The following ACSF3 variants were observed in gnomAD, a reference collection of about 807,000 sequenced individuals.
ACSF3 encodes the protein acyl-CoA synthetase family member 3.
Under a neutral mutation model 53.2 loss-of-function variants are expected in ACSF3, and 78 were observed. The observed-to-expected ratio is 1.47, with a 90% CI of 1.22 to 1.77. ACSF3 has a LOEUF of 1.77. Among genes scored for constraint, ACSF3 ranks in the 40% most tolerant of loss-of-function variants. The pLI is 0.00. For synonymous variants in ACSF3, 414 were observed against 333.1 expected, an observed-to-expected ratio of 1.24 and a Z score of -2.65; for missense variants, 937 against 771.1, an observed-to-expected ratio of 1.22 and a Z score of -2.55.
chr16:89,153,974 G>A lies in ACSF3; in HGVS notation c.1614-116G>A, dbSNP rs1232986951. ...ACCTGCCTGGCCTCAGGATGGCCGA[G>A]GCGCCTGGCAAGGCTGCAGGGTCCC... On this transcript the variant is annotated intron_variant, in intron 10 of 10. Coordinates refer to ENST00000614302, the MANE Select transcript of ACSF3 (RefSeq NM_001243279.3). 14 of 1,096,478 alleles carry A rather than the reference G, an allele frequency of 1.3e-5. No homozygotes were observed. In the Admixed American group the frequency reaches 2.4e-4, roughly 19 times the overall value. 67.9% of individuals were successfully genotyped at this position (1,096,478 alleles called of 1,614,324 possible). A position where few individuals can be genotyped will look rare whatever the true frequency, so the allele number is the denominator to read the frequency against.
At chr16:89,153,994 G>A in intron 10 of ACSF3, 96 bp from the exon 11 acceptor site, 1 of 1,305,492 alleles carries the variant, frequency 7.7e-7, no homozygotes, top group Non-Finnish European at 1.1e-6. Context: ...AAGGCTGCAG[G>A]GTCCCAGGGG....
rs757032531 is a variant in ACSF3 at position 89,114,537 on chromosome 16, C to T, written c.1126+50C>T. The T allele has an allele frequency of 5.6e-6, 9 of 1,602,886 alleles. No individual in the cohort carries two copies. In the South Asian group the frequency reaches 6.6e-5, roughly 12 times the overall value. Reference sequence around the variant, plus strand: ...TTCCTCTTCCACTGTGCTCTGAGCCCCCCAAGGTGGGCCAGTCTCGAACCA... The same window carrying T: ...TTCCTCTTCCACTGTGCTCTGAGCCTCCCAAGGTGGGCCAGTCTCGAACCA... On this transcript the variant is annotated intron_variant, in intron 6 of 10. Coordinates refer to ENST00000614302, the MANE Select transcript of ACSF3 (RefSeq NM_001243279.3).
intron 6 of ACSF3, among the ~76,000 whole-genome samples, chr16:89,119,431 G>C (rs897634582): frequency 6.6e-6 from 1 of 152,214 alleles, no homozygotes; most frequent in Admixed American, 6.5e-5. Flanking sequence ...AGGGTGTGGC[G>C]GTCGTGGGCT....
intron 7 of ACSF3, among the ~76,000 whole-genome samples, chr16:89,124,083 TGTGC>T (rs1907362758): frequency 2.5e-4 from 1 of 3,928 alleles, no homozygotes; most frequent in African/African-American, 1.1e-3. Context: ...ACATGCCTAG[TGTGC>T]GCATGGGTAT....
chr16:89,097,347 G>A (rs1399262811), intron 1 of ACSF3, among the ~76,000 whole-genome samples: 1 of 152,246 alleles, frequency 6.6e-6, no homozygotes, highest in African/African-American at 2.4e-5. Flanking sequence ...CACAATGACA[G>A]GCACCTTCTA....
chr16:89,107,043 A>C (rs1274062135), intron 4 of ACSF3, among the ~76,000 whole-genome samples: 4 of 152,198 alleles, frequency 2.6e-5, no homozygotes, highest in African/African-American at 9.7e-5. Context: ...TGGACTCAGG[A>C]GGGCTGCCAT....
At chr16:89,152,961 G>A (rs189889620) in intron 10 of ACSF3, 76 of 152,424 alleles carry the variant, frequency 5.0e-4, no homozygotes, top group African/African-American at 1.8e-3. Flanking sequence ...GAAGCCAGTT[G>A]CCCCTGGAGA....
intron 10 of ACSF3, chr16:89,151,164 A>G (rs1323327253): frequency 7.9e-6 from 5 of 632,808 alleles, no homozygotes; most frequent in Non-Finnish European, 5.1e-6. Flanking sequence ...TGAAGTCAGC[A>G]GTTCAGATGA....
At chr16:89,107,144 G>A (rs1198558414) in intron 4 of ACSF3, among the ~76,000 whole-genome samples, 2 of 152,216 alleles carry the variant, frequency 1.3e-5, no homozygotes, top group Non-Finnish European at 1.5e-5. Flanking sequence ...CAAATGTTAT[G>A]GCGCCCTTCA....
At chr16:89,098,448 T>TAA in intron 1 of ACSF3, 143 bp from the exon 2 acceptor site, 1 of 353,738 alleles carries the variant, frequency 2.8e-6, no homozygotes, top group Middle Eastern at 1.0e-3. Context: ...TGTCGGGAGA[T>TAA]AAGGCTCACA....
At chr16:89,140,764 C>G (rs1449217412) in intron 8 of ACSF3, among the ~76,000 whole-genome samples, 1 of 152,024 alleles carries the variant, frequency 6.6e-6, no homozygotes, top group Non-Finnish European at 1.5e-5. Flanking sequence ...ACCACAGCAC[C>G]TCACTCCACC....
chr16:89,098,369 C>T (rs1440045306), intron 1 of ACSF3, among the ~76,000 whole-genome samples: 1 of 152,200 alleles, frequency 6.6e-6, no homozygotes, highest in Non-Finnish European at 1.5e-5. Context: ...AACATGGGCA[C>T]AGATCCCACA....
In ACSF3 at chr16:89,114,418, G is replaced by A. The variant is rs1418622052; in HGVS notation, c.1057G>A (p.Glu353Lys). The change falls in exon 6 of 11, where the codon GAG becomes AAG. Residue 353 changes from glutamate (E) to lysine (K), a missense_variant. Transcript: ENST00000614302. ...WKNITGHTLL[E>K]RYGMTEIGMA... Reference sequence around the variant, plus strand: ...GAACATCACGGGCCACACCCTGCTGGAGCGGTATGGCATGACCGAGATCGG... The same window carrying A: ...GAACATCACGGGCCACACCCTGCTGAAGCGGTATGGCATGACCGAGATCGG... 1.2e-6 allele frequency: 2 copies of A among 1,613,934 alleles called. No homozygotes were observed. The highest frequency in any genetic ancestry group is 1.7e-6 in the Non-Finnish European group (2 of 1,180,030).
intron 10 of ACSF3, chr16:89,149,789 TA>T (rs942921843): frequency 3.9e-5 from 6 of 152,274 alleles, no homozygotes; most frequent in Admixed American, 3.3e-4. Flanking sequence ...TTTGGTTGGT[TA>T]AAAAGCATTA....
chr16:89,111,410 C>T (rs927855590), intron 4 of ACSF3, among the ~76,000 whole-genome samples: 6 of 152,342 alleles, frequency 3.9e-5, no homozygotes, highest in East Asian at 1.9e-4. Flanking sequence ...GCCGTGTGGG[C>T]GAGATCTGTC....
chr16:89,137,639 C>T (rs1053672728), intron 8 of ACSF3, among the ~76,000 whole-genome samples: 5 of 146,388 alleles, frequency 3.4e-5, no homozygotes, highest in African/African-American at 1.0e-4. Context: ...ACCAGGAGCT[C>T]ACGGGGAAGG....
chr16:89,135,750 G>A (rs112654710), intron 8 of ACSF3, among the ~76,000 whole-genome samples: 8 of 152,170 alleles, frequency 5.3e-5, no homozygotes, highest in African/African-American at 1.9e-4. Context: ...ACCCCAATCC[G>A]ACTCACGCTG....
chr16:89,111,240 G>A (rs1976640996), intron 4 of ACSF3, among the ~76,000 whole-genome samples: 2 of 152,246 alleles, frequency 1.3e-5, no homozygotes, highest in African/African-American at 4.8e-5. Flanking sequence ...AAGGGTTCCA[G>A]TCTTTGTCTT....
At chr16:89,109,255 A>C (rs1400415129) in intron 4 of ACSF3, among the ~76,000 whole-genome samples, 11 of 148,250 alleles carry the variant, frequency 7.4e-5, no homozygotes, top group African/African-American at 2.8e-4. Flanking sequence ...AAAAAAGAAA[A>C]GAAAAGAAAC....
Sources: gnomAD v4.1 joint callset for allele counts (sites outside exome capture counted in the v4.1 genomes callset) on GRCh38, gnomAD v4.1.1 for gene constraint, MANE v1.5 for transcripts, NCBI Gene and HGNC (gene_info 2026-07-23, HGNC 2026-07-21) for gene names.